Variants in SNX25 observed in about 807,000 individuals in gnomAD.
The protein encoded by SNX25 is sorting nexin 25.
SNX25 carries 62 observed loss-of-function variants against 113.7 expected under a neutral mutation model. That is an observed-to-expected ratio of 0.55 (90% CI 0.44 to 0.67). The LOEUF is 0.67. Among genes scored for constraint, SNX25 ranks in the 30% least tolerant of loss-of-function variants. SNX25 has a pLI of 0.00. For synonymous variants in SNX25, 421 were observed against 436.2 expected, an observed-to-expected ratio of 0.97 and a Z score of 0.43; for missense variants, 1,014 against 1,161.0, an observed-to-expected ratio of 0.87 and a Z score of 1.84.
rs755925125 is a variant in SNX25 at position 185,362,649 on chromosome 4, C to T, written c.2872C>T (p.His958Tyr). 6.2e-6 allele frequency: 10 copies of T among 1,614,022 alleles called. No individual in the cohort carries two copies. In the South Asian group the frequency reaches 7.7e-5, roughly 12 times the overall value. ...CCTTGTTGGACAGCAAAATGCCCGC[C>T]ACGGTATAATAAAAATATTCAATGC... ...QSLVGQQNARHGIIKIFNALQ... is the reference protein window; with the variant it reads ...QSLVGQQNARYGIIKIFNALQ... The change falls in exon 18 of 19, where the codon CAC becomes TAC. Residue 958 changes from histidine to tyrosine, a missense_variant. By Grantham distance (83) the His-to-Tyr change is moderately conservative (BLOSUM62 2). Transcript: ENST00000652585.
rs550081470 is a variant in SNX25 at position 185,289,690 on chromosome 4, A to G, written c.1162+1608A>G. 7.1e-4 allele frequency among the ~76,000 whole-genome samples: 108 copies of G among 152,142 alleles called. 1 individual carries two copies. Among genetic ancestry groups the G allele is most frequent in the Admixed American group, 1.9e-3 (29 of 15,282 alleles). The stretch of plus-strand genomic sequence containing the variant: ...TGTGGACTCTGTTCCTCTCCTTTTT[A>G]TCACTGTTCTTGCAGAGAAGATGCT... On this transcript the variant is annotated intron_variant, in intron 6 of 18. Transcript: ENST00000652585.
intron 6 of SNX25, among the ~76,000 whole-genome samples, chr4:185,295,508 G>A (rs1434702750): frequency 6.6e-6 from 1 of 150,714 alleles, no homozygotes; most frequent in African/African-American, 2.4e-5. Flanking sequence ...GAAGTGCAGT[G>A]GTGCAGTCAC....
rs984292066 is a variant in SNX25, at chr4:185,258,766, G to T, written c.515-82G>T. ...TTAAACAGTGAATATTAAATAGTAG[G>T]TGGCCAGTTTCCAGTAGAAATGCAG... is the stretch of plus-strand genomic sequence containing the variant. On this transcript the variant is annotated intron_variant, in intron 2 of 18. Transcript: ENST00000652585. 3 of 1,062,760 alleles carry T rather than the reference G, an allele frequency of 2.8e-6. No individual in the cohort carries two copies. The African/African-American group carries it at 4.7e-5, about 17-fold the overall frequency. The allele number at this position is 1,062,760 out of a possible 1,614,324, so 65.8% of individuals were successfully genotyped here. A position where few individuals can be genotyped will look rare whatever the true frequency, so the allele number is the denominator to read the frequency against.
intron 2 of SNX25, among the ~76,000 whole-genome samples, chr4:185,251,621 G>GTGTGTGTGTA (rs1560935704): frequency 9.4e-6 from 1 of 106,498 alleles, no homozygotes; most frequent in African/African-American, 2.7e-5. Flanking sequence ...GTGTGTGTGT[G>GTGTGTGTGTA]TGTGTGTGTG....
At chr4:185,243,892 C>T (rs1178426290) in intron 1 of SNX25, among the ~76,000 whole-genome samples, 1 of 152,162 alleles carries the variant, frequency 6.6e-6, no homozygotes. Flanking sequence ...TAAAGATAGA[C>T]ACATATCCAA....
chr4:185,321,428 A>G (rs2095119507), intron 8 of SNX25, among the ~76,000 whole-genome samples: 1 of 151,764 alleles, frequency 6.6e-6, no homozygotes, highest in Non-Finnish European at 1.5e-5. Flanking sequence ...ACACCCAGCT[A>G]ATTTTTGTAT....
chr4:185,247,263 T>C (rs1371990159), intron 1 of SNX25, 31 bp from the exon 2 acceptor site: 2 of 1,444,048 alleles, frequency 1.4e-6, no homozygotes, highest in Admixed American at 4.2e-5. Flanking sequence ...CATTCAGTAA[T>C]CTGCTTTGTA....
At chr4:185,213,785 A>G (rs971600357) in intron 1 of SNX25, among the ~76,000 whole-genome samples, 1 of 152,234 alleles carries the variant, frequency 6.6e-6, no homozygotes, top group African/African-American at 2.4e-5. Context: ...AAGATCAGCA[A>G]TTCAAAGTAC....
At chr4:185,374,270 C>T (rs368336232), downstream of SNX25, 49 of 1,614,076 alleles carry the variant, frequency 3.0e-5, no homozygotes, top group East Asian at 1.3e-4. Context: ...ATGTTATTCT[C>T]GGTTTCAGCA....
chr4:185,292,430 C>G (rs890118519), intron 6 of SNX25, among the ~76,000 whole-genome samples: 6 of 152,128 alleles, frequency 3.9e-5, no homozygotes, highest in African/African-American at 1.4e-4. Context: ...CAGAGTTTCG[C>G]TCTTGTCACC....
Position 185,363,706 on chromosome 4 carries a change from G to T in SNX25, c.*241G>T. Reference sequence around the variant, plus strand: ...TACTTTAAAGATCAACATACCGATTGAAATACAAATGTTAATATGTGAGAA... The same window carrying T: ...TACTTTAAAGATCAACATACCGATTTAAATACAAATGTTAATATGTGAGAA... On this transcript the variant is annotated 3_prime_UTR_variant, in exon 19 of 19. Coordinates refer to ENST00000652585, the MANE Select transcript of SNX25 (RefSeq NM_001378034.2). The surrounding 1 kb of genome is among the most constrained non-coding windows in gnomAD (Gnocchi z 4.2). The T allele has an allele frequency of 2.8e-6, 1 of 351,946 alleles. No individual in the cohort carries two copies. Among genetic ancestry groups the T allele is most frequent in the Non-Finnish European group, 5.2e-6 (1 of 193,090 alleles). The allele number at this position is 351,946 out of a possible 1,614,324, so 21.8% of individuals were successfully genotyped here.
At chr4:185,251,890 A>G (rs1041355766) in intron 2 of SNX25, among the ~76,000 whole-genome samples, 2 of 151,004 alleles carry the variant, frequency 1.3e-5, no homozygotes, top group African/African-American at 2.4e-5. Flanking sequence ...ATTTCTATTC[A>G]GTGATTTCTT....
In SNX25 at chr4:185,353,608, C is replaced by A; in HGVS notation, c.2584+6C>A. On this transcript the variant is annotated splice_donor_region_variant and intron_variant, in intron 15 of 18. Transcript: ENST00000652585. ...GATTTTTGAACTTCGAGGAAGTAAG[C>A]TTCTTTGTTATTATTTAGTGGTATT... 6.2e-7 allele frequency: 1 copy of A among 1,605,320 alleles called. No individual in the cohort carries two copies. Among genetic ancestry groups the A allele is most frequent in the Non-Finnish European group, 8.5e-7 (1 of 1,171,970 alleles).
intron 5 of SNX25, among the ~76,000 whole-genome samples, chr4:185,280,730 G>A (rs550261015): frequency 6.6e-6 from 1 of 152,302 alleles, no homozygotes; most frequent in African/African-American, 2.4e-5. Flanking sequence ...CGTGTTCACT[G>A]AGAAACTTTG....
intron 1 of SNX25, among the ~76,000 whole-genome samples, chr4:185,244,691 A>T (rs986691109): frequency 6.6e-5 from 10 of 152,212 alleles, no homozygotes; most frequent in Admixed American, 2.0e-4. Context: ...TAAGATTTTT[A>T]AAAAATTCCT....
chr4:185,257,916 T>C (rs1034641832), intron 2 of SNX25, among the ~76,000 whole-genome samples: 8 of 152,166 alleles, frequency 5.3e-5, no homozygotes, highest in African/African-American at 1.9e-4. Context: ...TTAGTTGAGG[T>C]CTTGTTAGGA....
At chr4:185,300,997 C>T (rs1753600294) in intron 6 of SNX25, among the ~76,000 whole-genome samples, 1 of 152,082 alleles carries the variant, frequency 6.6e-6, no homozygotes, top group Non-Finnish European at 1.5e-5. Context: ...CCCTCTCTGA[C>T]CTTTTCCTAC....
At chr4:185,366,812 A>G (rs1561069157), downstream of SNX25, 1 of 157,390 alleles carries the variant, frequency 6.4e-6, no homozygotes, top group Non-Finnish European at 1.4e-5. Context: ...ATGGTTTTAA[A>G]TAAGTTTGTT....
At chr4:185,373,158 T>C, downstream of SNX25, 1 of 1,316,008 alleles carries the variant, frequency 7.6e-7, no homozygotes, top group South Asian at 1.3e-5. Flanking sequence ...AGAAAAGAAC[T>C]CTGTGTTTCC....
Sources: allele counts gnomAD v4.1 joint callset (sites outside exome capture counted in the v4.1 genomes callset), GRCh38; gene constraint gnomAD v4.1.1; non-coding constraint Gnocchi (gnomAD v3.1); transcripts MANE v1.5; gene names NCBI Gene and HGNC (gene_info 2026-07-23, HGNC 2026-07-21).